Variants in MTR observed in about 807,000 individuals in gnomAD.
The protein encoded by MTR is methionine synthase.
Under a neutral mutation model 154.8 loss-of-function variants are expected in MTR, and 84 were observed. That is an observed-to-expected ratio of 0.54 (90% CI 0.45 to 0.65). The LOEUF (loss-of-function observed/expected upper bound fraction) is 0.65, where lower values mean the gene tolerates loss of function less well. Ranked by LOEUF, MTR falls within the 30% of genes least tolerant of loss-of-function variation. The probability of loss-of-function intolerance (pLI) is 0.00; values close to 1 mark genes in which losing one functional copy is unlikely to be tolerated. For synonymous variants in MTR, 554 were observed against 553.9 expected (o/e 1.00, Z 0.00); for missense variants, 1,275 against 1,570.2 (o/e 0.81, Z 3.18).
intron 29 of MTR, 62 bp from the exon 30 acceptor site, chr1:236,894,295 G>A: frequency 1.3e-6 from 2 of 1,517,228 alleles, no homozygotes; most frequent in South Asian, 1.1e-5. Flanking sequence ...TCTTCATGGT[G>A]TGCTGGCGCC....
At chr1:236,811,555 T>G (rs1661304294) in intron 5 of MTR, 2 of 455,318 alleles carry the variant, frequency 4.4e-6, no homozygotes, top group Non-Finnish European at 8.8e-6. Context: ...GTTTTTGGTT[T>G]ATGGAACTTT....
At chr1:236,892,337 T>C (rs1056830862) in intron 29 of MTR, among the ~76,000 whole-genome samples, 3 of 151,872 alleles carry the variant, frequency 2.0e-5, no homozygotes, top group Non-Finnish European at 4.4e-5. Context: ...AGCCGTGCAC[T>C]GGGGAGTGCA....
At chr1:236,862,080 G>A (rs192105493) in intron 20 of MTR, among the ~76,000 whole-genome samples, 156 bp from the exon 21 acceptor site, 1 of 152,310 alleles carries the variant, frequency 6.6e-6, no homozygotes, top group East Asian at 1.9e-4. Flanking sequence ...CCTCTGGGGA[G>A]CTTATCCTTT....
intron 15 of MTR, 100 bp downstream of exon 15, chr1:236,838,699 T>C (rs1663049990): frequency 8.3e-7 from 1 of 1,200,182 alleles, no homozygotes. Flanking sequence ...CATACACATA[T>C]ACATTTATCT....
chr1:236,854,641 A>G (rs1295378638), intron 18 of MTR, among the ~76,000 whole-genome samples: 1 of 152,182 alleles, frequency 6.6e-6, no homozygotes, highest in Non-Finnish European at 1.5e-5. Flanking sequence ...GTTCTTAATT[A>G]ACACATGAAA....
At position 236,795,505 on chromosome 1, in the gene MTR, C is replaced by T; in HGVS notation, c.-199C>T. On this transcript the variant is annotated 5_prime_UTR_variant, in exon 1 of 33. Transcript: ENST00000366577. ...GCTCCAGCAGTTGCCGCGCCCAGCC[C>T]CGAGAGAGGCCCTAGGGCGCTGCGG... The T allele has an allele frequency of 6.6e-7, 1 of 1,522,840 alleles. No individual in the cohort carries two copies. Among genetic ancestry groups the T allele is most frequent in the Non-Finnish European group, 8.8e-7 (1 of 1,138,262 alleles). The allele number at this position is 1,522,840 out of a possible 1,614,324, so 94.3% of individuals were successfully genotyped here.
At chr1:236,797,223 G>A (rs1660445290) in intron 1 of MTR, among the ~76,000 whole-genome samples, 1 of 152,114 alleles carries the variant, frequency 6.6e-6, no homozygotes, top group South Asian at 2.1e-4. Context: ...CTTTTATTGG[G>A]ATTAGAATCA....
chr1:236,816,792 GC>G (rs1661622222), intron 8 of MTR, among the ~76,000 whole-genome samples: 2 of 152,192 alleles, frequency 1.3e-5, no homozygotes, highest in African/African-American at 4.8e-5. Context: ...CTGTAGGCGT[GC>G]CCCTTATAGT....
intron 22 of MTR, among the ~76,000 whole-genome samples, 159 bp downstream of exon 22, chr1:236,863,713 C>T (rs1022334571): frequency 5.9e-5 from 9 of 152,220 alleles, no homozygotes; most frequent in Middle Eastern, 3.4e-3. Context: ...GAATTTTCTA[C>T]GTGAACACAG....
In MTR at chr1:236,835,568, G is replaced by A; in HGVS notation, c.1210G>A (p.Val404Met). 1 of 1,611,772 alleles carries A rather than the reference G, an allele frequency of 6.2e-7. No individual in the cohort carries two copies. The highest frequency in any genetic ancestry group is 1.3e-5 in the African/African-American group (1 of 74,094). The change falls in exon 14 of 33, where the codon GTG becomes ATG. Residue 404 changes from valine (V) to methionine (M), a missense_variant. Transcript: ENST00000366577. ...TCAGGAAGCCTTGTGTGTTGCCAAA[G>A]TGCAGGTGGAAATGGGAGCCCAGGT... is the stretch of plus-strand genomic sequence containing the variant. ...NYEEALCVAK[V>M]QVEMGAQVLD...
rs773190246 is a variant in MTR at position 236,889,244 on chromosome 1, A to G, written c.2915A>G (p.Tyr972Cys). The G allele has an allele frequency of 4.3e-6, 7 of 1,614,100 alleles. No individual in the cohort carries two copies. The Admixed American group carries it at 5.0e-5, about 12-fold the overall frequency. ...TATGACCTGCAGAAGCTGGTGGACT[A>G]CATTGACTGGAAGCCTTTCTTTGAT... ...EDYDLQKLVDYIDWKPFFDVW... is the reference protein window; with the variant it reads ...EDYDLQKLVDCIDWKPFFDVW... Residue 972 changes from tyrosine (Y) to cysteine (C), a missense_variant, in exon 28 of 33, where the codon TAC (tyrosine) becomes TGC (cysteine). Tyr to Cys is a radical substitution (Grantham distance 194, BLOSUM62 -2). Coordinates refer to ENST00000366577, the MANE Select transcript of MTR (RefSeq NM_000254.3).
intron 1 of MTR, 151 bp downstream of exon 1, chr1:236,795,888 G>A (rs577337513): frequency 7.2e-4 from 872 of 1,210,916 alleles, no homozygotes; most frequent in Non-Finnish European, 9.6e-4. Context: ...TAGCGCAGGA[G>A]CCCGGAGGGC....
At chr1:236,868,685 A>G (rs1031379647) in intron 22 of MTR, among the ~76,000 whole-genome samples, 3 of 152,254 alleles carry the variant, frequency 2.0e-5, no homozygotes, top group African/African-American at 7.2e-5. Context: ...AAAGTTATAC[A>G]TCATACATCT....
chr1:236,892,177 AAAT>A (rs1666364790), intron 29 of MTR, among the ~76,000 whole-genome samples: 1 of 152,226 alleles, frequency 6.6e-6, no homozygotes, highest in Non-Finnish European at 1.5e-5. Context: ...AGTCGTTCAG[AAAT>A]AATAATGTTG....
At chr1:236,886,388 G>C (rs768149428) in intron 27 of MTR, 21 bp downstream of exon 27, 7 of 1,609,970 alleles carry the variant, frequency 4.3e-6, no homozygotes, top group Middle Eastern at 1.7e-4. Flanking sequence ...CTATGGACTA[G>C]AGAAAGACTG....
chr1:236,885,175 G>C lies in MTR; in HGVS notation c.2731G>C (p.Glu911Gln). 6.2e-7 allele frequency: 1 copy of C among 1,608,760 alleles called. No homozygotes were observed. The highest frequency in any genetic ancestry group is 8.5e-7 in the Non-Finnish European group (1 of 1,175,252). ...GGATGAATACTTTGAGGAAATCATG[G>C]AAGAATATGAAGATATTAGACAGGA... is the stretch of plus-strand genomic sequence containing the variant. Reference protein sequence around the residue: ...LKDEYFEEIMEEYEDIRQDHY... With the variant: ...LKDEYFEEIMQEYEDIRQDHY... Residue 911 changes from glutamate (E) to glutamine (Q), a missense_variant, in exon 26 of 33, where the codon GAA (glutamate) becomes CAA (glutamine). Coordinates refer to ENST00000366577, the MANE Select transcript of MTR (RefSeq NM_000254.3).
At chr1:236,851,451 A>C (rs913350575) in intron 16 of MTR, among the ~76,000 whole-genome samples, 2 of 143,270 alleles carry the variant, frequency 1.4e-5, no homozygotes, top group Non-Finnish European at 2.9e-5. Flanking sequence ...TTGTTCAGAC[A>C]TGAATTATAG....
At chr1:236,891,721 T>C (rs1244590236) in intron 29 of MTR, among the ~76,000 whole-genome samples, 2 of 152,194 alleles carry the variant, frequency 1.3e-5, no homozygotes, top group Non-Finnish European at 2.9e-5. Context: ...GTCAGGTGGC[T>C]TCCCTTGAAA....
intron 24 of MTR, among the ~76,000 whole-genome samples, chr1:236,877,619 G>A (rs760414262): frequency 6.6e-6 from 1 of 151,974 alleles, no homozygotes; most frequent in Non-Finnish European, 1.5e-5. Flanking sequence ...ATAATGTGCT[G>A]TGACTTATTT....
Sources: gnomAD v4.1 joint callset for allele counts (sites outside exome capture counted in the v4.1 genomes callset) on GRCh38, gnomAD v4.1.1 for gene constraint, MANE v1.5 for transcripts, NCBI Gene and HGNC (gene_info 2026-07-23, HGNC 2026-07-21) for gene names.